Variants in MLLT3 observed in about 807,000 individuals in gnomAD.
MLLT3 encodes MLLT3 super elongation complex subunit.
A neutral mutation model predicts 53.2 loss-of-function variants in MLLT3; 4 were observed. That is an observed-to-expected ratio of 0.08 (90% CI 0.04 to 0.17). The LOEUF is 0.17. Ranked by LOEUF, MLLT3 falls within the 10% of genes least tolerant of loss-of-function variation. The probability of loss-of-function intolerance (pLI) is 1.00; values close to 1 mark genes in which losing one functional copy is unlikely to be tolerated. For synonymous variants in MLLT3, 283 were observed against 230.6 expected (o/e 1.23, Z -2.06); for missense variants, 569 against 684.0 (o/e 0.83, Z 1.87).
intron 4 of MLLT3, among the ~76,000 whole-genome samples, chr9:20,445,182 C>T (rs1477408221): frequency 1.3e-5 from 2 of 152,114 alleles, no homozygotes; most frequent in Non-Finnish European, 2.9e-5. Flanking sequence ...TTAGAGGAAA[C>T]TACTTTCACG....
intron 2 of MLLT3, among the ~76,000 whole-genome samples, chr9:20,527,472 C>T (rs1308972129): frequency 2.6e-5 from 4 of 152,102 alleles, no homozygotes; most frequent in Non-Finnish European, 5.9e-5. Flanking sequence ...CTTCAAATAC[C>T]TTATCTCATT....
intron 2 of MLLT3, among the ~76,000 whole-genome samples, chr9:20,463,427 G>A (rs1490556566): frequency 6.6e-6 from 1 of 151,530 alleles, no homozygotes; most frequent in African/African-American, 2.4e-5. Context: ...TGTTAAAACA[G>A]GACTGCTTTC....
intron 2 of MLLT3, among the ~76,000 whole-genome samples, chr9:20,458,833 G>T (rs10964562): frequency 6.6e-6 from 1 of 152,108 alleles, no homozygotes; most frequent in Non-Finnish European, 1.5e-5. Flanking sequence ...ATGCAGCACA[G>T]GGCCTGGCGC....
At chr9:20,507,445 C>A (rs887112210) in intron 2 of MLLT3, among the ~76,000 whole-genome samples, 1 of 152,024 alleles carries the variant, frequency 6.6e-6, no homozygotes, top group African/African-American at 2.4e-5. Context: ...AGAATGTTAA[C>A]CCTACAAAAA....
chr9:20,446,380 T>C (rs1823701170), intron 4 of MLLT3, among the ~76,000 whole-genome samples: 1 of 152,182 alleles, frequency 6.6e-6, no homozygotes, highest in African/African-American at 2.4e-5. Context: ...GAGCACAAGA[T>C]GAGAAATCAA....
intron 2 of MLLT3, among the ~76,000 whole-genome samples, chr9:20,568,983 CA>C (rs781367127): frequency 2.0e-5 from 3 of 151,994 alleles, no homozygotes; most frequent in Admixed American, 6.6e-5. Context: ...AGAAAATTCC[CA>C]AACACAAAGA....
intron 2 of MLLT3, among the ~76,000 whole-genome samples, chr9:20,542,006 G>A (rs1169862252): frequency 6.6e-6 from 1 of 152,060 alleles, no homozygotes; most frequent in Non-Finnish European, 1.5e-5. Context: ...ATCTTTTCCA[G>A]AGGTTTTCAA....
rs1248406766 is a variant in MLLT3, at chr9:20,494,618, G to C, written c.194-37832C>G. 5.0e-5 allele frequency among the ~76,000 whole-genome samples: 5 copies of C among 99,314 alleles called. No homozygotes were observed. In the East Asian group the frequency reaches 1.8e-3, roughly 35 times the overall value. 65.2% of individuals were successfully genotyped at this position (99,314 alleles called of 152,430 possible). A position where few individuals can be genotyped will look rare whatever the true frequency, so the allele number is the denominator to read the frequency against. ...AACAGCACGTGATGGCATTTTACCA[G>C]TGTTTTCAGGCTGCCACTTTAAAAG... On this transcript the variant is annotated intron_variant, in intron 2 of 10. Coordinates refer to ENST00000380338, the MANE Select transcript of MLLT3 (RefSeq NM_004529.4).
chr9:20,442,093 G>C (rs1212411070), intron 4 of MLLT3, among the ~76,000 whole-genome samples: 3 of 152,060 alleles, frequency 2.0e-5, no homozygotes, highest in Non-Finnish European at 4.4e-5. Context: ...TTAAAATGTG[G>C]TCTTTGAAAG....
chr9:20,519,519 T>C (rs759244397), intron 2 of MLLT3, among the ~76,000 whole-genome samples: 1 of 152,146 alleles, frequency 6.6e-6, no homozygotes, highest in Non-Finnish European at 1.5e-5. Context: ...ATGACGTACA[T>C]AGTTAAACTC....
At chr9:20,609,910 T>A (rs7868378) in intron 2 of MLLT3, among the ~76,000 whole-genome samples, 73,813 of 151,904 alleles carry the variant, frequency 0.49, 18,545 homozygotes, top group Middle Eastern at 0.56. Context: ...GAACTACTAC[T>A]TAGGAAGAGT....
chr9:20,391,680 T>C (rs930539763), intron 5 of MLLT3, among the ~76,000 whole-genome samples: 1 of 152,228 alleles, frequency 6.6e-6, no homozygotes, highest in Admixed American at 6.5e-5. Flanking sequence ...GTAAATCTAA[T>C]GTTATTGCAT....
intron 2 of MLLT3, among the ~76,000 whole-genome samples, chr9:20,616,101 G>C (rs1337340962): frequency 1.3e-5 from 2 of 152,050 alleles, no homozygotes; most frequent in Non-Finnish European, 2.9e-5. Context: ...CAATTTGTAA[G>C]TGTAAAAGGA....
rs143098901 is a variant in MLLT3, at chr9:20,354,894, G to C, written c.1432-15C>G. ...ACTTCAAGAATCTAGGGATCAAAGAGAACGCTGTGTTAAATTTTATTTCAA... is the reference window on the plus strand; with the variant it reads ...ACTTCAAGAATCTAGGGATCAAAGACAACGCTGTGTTAAATTTTATTTCAA... On this transcript the variant is annotated splice_polypyrimidine_tract_variant and intron_variant, in intron 8 of 10. Transcript: ENST00000380338. 2.8e-4 allele frequency: 447 copies of C among 1,597,274 alleles called. No homozygotes were observed. In the African/African-American group the frequency reaches 5.2e-3, roughly 19 times the overall value.
At chr9:20,458,842 G>A (rs79204297) in intron 2 of MLLT3, among the ~76,000 whole-genome samples, 1,525 of 152,276 alleles carry the variant, frequency 0.01, 21 homozygotes, top group African/African-American at 0.033. Flanking sequence ...AGGGCCTGGC[G>A]CATAAGTTCT....
intron 2 of MLLT3, among the ~76,000 whole-genome samples, chr9:20,545,557 T>G (rs1219732246): frequency 1.3e-5 from 2 of 152,182 alleles, no homozygotes; most frequent in African/African-American, 2.4e-5. Flanking sequence ...GAGTTTTATG[T>G]TATGTGTAAA....
chr9:20,574,834 A>G (rs192767056), intron 2 of MLLT3, among the ~76,000 whole-genome samples: 2 of 152,364 alleles, frequency 1.3e-5, no homozygotes, highest in East Asian at 3.9e-4. Context: ...GCCGTTTGAT[A>G]GCATTTTACC....
rs557039240 is a variant in MLLT3 at position 20,344,914 on chromosome 9, T to A, written c.*1529A>T. 2 of 213,926 alleles carry A rather than the reference T, an allele frequency of 9.3e-6. No individual in the cohort carries two copies. Among genetic ancestry groups the A allele is most frequent in the Admixed American group, 1.2e-4 (2 of 17,088 alleles). 13.3% of individuals were successfully genotyped at this position (213,926 alleles called of 1,614,324 possible). ...CACATAGAGACTTTCTTAAGGCTGA[T>A]CCAGTGACGAACCTTTGGATCCAGA... On this transcript the variant is annotated 3_prime_UTR_variant, in exon 11 of 11. Coordinates refer to ENST00000380338, the MANE Select transcript of MLLT3 (RefSeq NM_004529.4).
chr9:20,610,606 C>T (rs1204696685), intron 2 of MLLT3, among the ~76,000 whole-genome samples: 1 of 152,098 alleles, frequency 6.6e-6, no homozygotes, highest in Non-Finnish European at 1.5e-5. Flanking sequence ...CAAAAAATTC[C>T]AGGGTCAAGA....
Sources: allele counts gnomAD v4.1 joint callset (sites outside exome capture counted in the v4.1 genomes callset), GRCh38; gene constraint gnomAD v4.1.1; transcripts MANE v1.5; gene names NCBI Gene and HGNC (gene_info 2026-07-23, HGNC 2026-07-21).